SCEL: variants seen among roughly 807,000 people sequenced by gnomAD.
The protein encoded by SCEL is sciellin.
SCEL carries 113 observed loss-of-function variants against 117.6 expected under a neutral mutation model. That is an observed-to-expected ratio of 0.96 (90% CI 0.83 to 1.12). SCEL has a LOEUF of 1.12. Among genes scored for constraint, SCEL ranks in the 50% most tolerant of loss-of-function variants. The probability of loss-of-function intolerance (pLI) is 0.00; values close to 1 mark genes in which losing one functional copy is unlikely to be tolerated. For missense variants in SCEL, 785 were observed against 810.8 expected (o/e 0.97, Z 0.39); for synonymous variants, 270 against 256.2 (o/e 1.05, Z -0.51).
At chr13:77,571,373 C>T in intron 8 of SCEL, among the ~76,000 whole-genome samples, 1 of 63,350 alleles carries the variant, frequency 1.6e-5, no homozygotes. Context: ...AGCGAGACTA[C>T]ATCTCAAAAA....
chr13:77,603,441 A>T (rs1201755590), intron 18 of SCEL, among the ~76,000 whole-genome samples: 1 of 152,168 alleles, frequency 6.6e-6, no homozygotes, highest in Non-Finnish European at 1.5e-5. Context: ...TTCAAAGTGT[A>T]TTTCCAAAAT....
In SCEL at chr13:77,563,839, AT is replaced by A; in HGVS notation, c.231del (p.Asn77LysfsTer41). The A allele has an allele frequency of 6.3e-7, 1 of 1,594,074 alleles. No homozygotes were observed. Among genetic ancestry groups the A allele is most frequent in the Non-Finnish European group, 8.5e-7 (1 of 1,173,780 alleles). ...NSHDALDRKV[N>X]ERDVPKATIS... Reference sequence around the variant, plus strand: ...AATTATGTTTGCTACAGGAAAGTAAATGAGAGAGATGTGCCAAAAGCTACAA... The same window carrying A: ...AATTATGTTTGCTACAGGAAAGTAAAGAGAGAGATGTGCCAAAAGCTACAA... On this transcript the variant is annotated frameshift_variant, in exon 5 of 33. Transcript: ENST00000349847. LOFTEE classifies it high-confidence loss of function.
intron 8 of SCEL, among the ~76,000 whole-genome samples, chr13:77,569,913 CCTCTGCATGGT>C (rs2085498674): frequency 6.6e-6 from 1 of 152,198 alleles, no homozygotes; most frequent in Non-Finnish European, 1.5e-5. Context: ...CCACCGACCT[CCTCTGCATGGT>C]CTCCCACATT....
At chr13:77,643,922 C>T (rs1428934130) in intron 32 of SCEL, among the ~76,000 whole-genome samples, 1 of 151,996 alleles carries the variant, frequency 6.6e-6, no homozygotes, top group Non-Finnish European at 1.5e-5. Context: ...TTTTATTCTC[C>T]CAGAGTTCAT....
chr13:77,611,104 T>A (rs1234819727), intron 22 of SCEL, among the ~76,000 whole-genome samples: 1 of 152,212 alleles, frequency 6.6e-6, no homozygotes, highest in Non-Finnish European at 1.5e-5. Flanking sequence ...TTATTTAGAC[T>A]AGATCAGAGG....
chr13:77,593,289 T>TGCGC (rs1567391679), intron 11 of SCEL, among the ~76,000 whole-genome samples: 1 of 109,892 alleles, frequency 9.1e-6, no homozygotes, highest in African/African-American at 3.9e-5. Flanking sequence ...TGTGTGTGTG[T>TGCGC]GTGTGTGTCT....
intron 9 of SCEL, among the ~76,000 whole-genome samples, chr13:77,577,643 G>A (rs1023600099): frequency 2.6e-5 from 4 of 152,074 alleles, no homozygotes; most frequent in African/African-American, 9.7e-5. Flanking sequence ...CTTCTGTCCT[G>A]TTCTCTCAGC....
intron 27 of SCEL, among the ~76,000 whole-genome samples, chr13:77,625,029 T>C (rs1208813820): frequency 2.0e-5 from 3 of 152,214 alleles, no homozygotes; most frequent in African/African-American, 7.2e-5. Flanking sequence ...AGTTTCCCTA[T>C]AAAACTAGCA....
chr13:77,598,948 C>T (rs1260348164), intron 13 of SCEL, among the ~76,000 whole-genome samples: 2 of 152,134 alleles, frequency 1.3e-5, no homozygotes, highest in Non-Finnish European at 2.9e-5. Context: ...TCCCAAAGTA[C>T]TGGGATTACA....
At chr13:77,604,123 G>C (rs984602131) in intron 18 of SCEL, 5 of 330,700 alleles carry the variant, frequency 1.5e-5, no homozygotes, top group African/African-American at 1.1e-4. Flanking sequence ...TATATACTTA[G>C]GTATTCTGAG....
chr13:77,619,418 C>G (rs1043883045), intron 27 of SCEL, among the ~76,000 whole-genome samples: 2 of 152,152 alleles, frequency 1.3e-5, no homozygotes, highest in Admixed American at 6.6e-5. Flanking sequence ...AAAGTACACC[C>G]TGGACTTAAA....
At chr13:77,628,135 AGTGT>A (rs1291429329) in intron 28 of SCEL, 126 bp downstream of exon 28, 3 of 194,300 alleles carry the variant, frequency 1.5e-5, no homozygotes, top group East Asian at 1.4e-4. Context: ...TAATTTGGAT[AGTGT>A]GTATGTATAT....
intron 27 of SCEL, among the ~76,000 whole-genome samples, chr13:77,623,917 A>G (rs901639842): frequency 6.6e-6 from 1 of 152,176 alleles, no homozygotes; most frequent in Non-Finnish European, 1.5e-5. Flanking sequence ...GCTGCATAAC[A>G]AACTACCACA....
At chr13:77,634,501 G>A (rs776825765) in intron 29 of SCEL, 51 bp downstream of exon 29, 2 of 1,342,830 alleles carry the variant, frequency 1.5e-6, no homozygotes, top group Non-Finnish European at 2.1e-6. Context: ...ATTTTGAAAG[G>A]ATCTATGTTT....
chr13:77,604,549 T>G, intron 19 of SCEL, 134 bp downstream of exon 19: 1 of 616,712 alleles, frequency 1.6e-6, no homozygotes, highest in Non-Finnish European at 2.7e-6. Context: ...TCTAAACACT[T>G]CATAGTAAGT....
intron 12 of SCEL, among the ~76,000 whole-genome samples, chr13:77,596,059 G>A (rs956765274): frequency 6.6e-6 from 1 of 152,278 alleles, no homozygotes; most frequent in East Asian, 1.9e-4. Context: ...TAGGTTGGGC[G>A]TGGTGGCTCA....
At chr13:77,600,791 T>C (rs1219212127) in intron 15 of SCEL, among the ~76,000 whole-genome samples, 3 of 152,222 alleles carry the variant, frequency 2.0e-5, no homozygotes, top group Admixed American at 2.0e-4. Flanking sequence ...GCCTTCCAGA[T>C]TGGCTGTTTA....
At chr13:77,570,597 C>A (rs2085540319) in intron 8 of SCEL, among the ~76,000 whole-genome samples, 1 of 152,170 alleles carries the variant, frequency 6.6e-6, no homozygotes, top group Admixed American at 6.5e-5. Context: ...AGAGAATAGA[C>A]CTACTTAAAC....
intron 9 of SCEL, among the ~76,000 whole-genome samples, chr13:77,587,250 G>C (rs1407388880): frequency 6.6e-6 from 1 of 151,982 alleles, no homozygotes; most frequent in Non-Finnish European, 1.5e-5. Flanking sequence ...TCTTGCTGCT[G>C]TGAATGAGCC....
Sources: gnomAD v4.1 joint callset for allele counts (sites outside exome capture counted in the v4.1 genomes callset) on GRCh38, gnomAD v4.1.1 for gene constraint, MANE v1.5 for transcripts, NCBI Gene and HGNC (gene_info 2026-07-23, HGNC 2026-07-21) for gene names.